Variants in PIKFYVE observed in about 807,000 individuals in gnomAD.
PIKFYVE encodes phosphoinositide kinase, FYVE-type zinc finger containing, also known as 1-phosphatidylinositol 3-phosphate 5-kinase.
PIKFYVE carries 122 observed loss-of-function variants against 257.9 expected under a neutral mutation model. That is an observed-to-expected ratio of 0.47 (90% CI 0.41 to 0.55). The LOEUF is 0.55. Ranked by LOEUF, PIKFYVE falls within the 20% of genes least tolerant of loss-of-function variation. The pLI, the probability that PIKFYVE is intolerant of heterozygous loss-of-function variation, is 0.00. For missense variants in PIKFYVE, 2,160 were observed against 2,536.6 expected (o/e 0.85, Z 3.19); for synonymous variants, 892 against 868.9 (o/e 1.03, Z -0.47).
chr2:208,282,410 C>T (rs2125107404), intron 5 of PIKFYVE, among the ~76,000 whole-genome samples: 1 of 152,302 alleles, frequency 6.6e-6, no homozygotes, highest in South Asian at 2.1e-4. Flanking sequence ...TACACAAACA[C>T]ACATTTATAT....
chr2:208,314,426 A>G lies in PIKFYVE; in HGVS notation c.1826+3A>G. ...AAACAAGCCATGGAGAGGTTGCTGT[A>G]AGGCAATGAAATTTTTAATTTTAAT... On this transcript the variant is annotated splice_donor_region_variant and intron_variant, in intron 14 of 41. Transcript: ENST00000264380. 6.2e-7 allele frequency: 1 copy of G among 1,613,342 alleles called. No individual in the cohort carries two copies. Among genetic ancestry groups the G allele is most frequent in the Non-Finnish European group, 8.5e-7 (1 of 1,179,590 alleles).
chr2:208,310,030 T>C (rs188379731), intron 12 of PIKFYVE, among the ~76,000 whole-genome samples: 2 of 152,374 alleles, frequency 1.3e-5, no homozygotes, highest in East Asian at 3.9e-4. Context: ...TAATAAATAT[T>C]ACTGGCTTTC....
intron 10 of PIKFYVE, among the ~76,000 whole-genome samples, chr2:208,302,911 C>G (rs960554477): frequency 8.6e-5 from 13 of 151,970 alleles, no homozygotes; most frequent in Admixed American, 8.5e-4. Flanking sequence ...GAAATCCCGT[C>G]TCTACTAAAA....
chr2:208,291,748 G>C (rs547080947), intron 7 of PIKFYVE, among the ~76,000 whole-genome samples: 2 of 151,616 alleles, frequency 1.3e-5, no homozygotes, highest in African/African-American at 2.4e-5. Flanking sequence ...TGATTTTATT[G>C]ATCTTTTCAA....
Position 208,324,215 on chromosome 2 carries a change from C to A in PIKFYVE, c.2264C>A (p.Thr755Lys). The part of the protein sequence containing the change: ...VRPTLVLVEK[T>K]VSRIAQDMLL... ...CCCACCTTGGTTCTTGTTGAGAAAA[C>A]AGTGTCTCGGATTGCCCAGGACATG... Residue 755 changes from threonine to lysine, a missense_variant, in exon 18 of 42, where the codon ACA becomes AAA. Thr to Lys is a moderately conservative substitution (Grantham distance 78). This residue lies in a region of PIKFYVE where 346 missense variants were observed against 365.6 expected (regional missense o/e 0.95). Coordinates refer to ENST00000264380, the MANE Select transcript of PIKFYVE (RefSeq NM_015040.4). The A allele has an allele frequency of 6.2e-7, 1 of 1,613,958 alleles. No individual in the cohort carries two copies. The highest frequency in any genetic ancestry group is 1.7e-5 in the Admixed American group (1 of 60,016).
intron 14 of PIKFYVE, 69 bp from the exon 15 acceptor site, chr2:208,315,124 T>A: frequency 2.9e-6 from 4 of 1,390,086 alleles, no homozygotes; most frequent in Non-Finnish European, 4.0e-6. Context: ...GGCTGTTTGT[T>A]TTATCATCAG....
At chr2:208,306,197 A>C (rs1694293107) in intron 12 of PIKFYVE, among the ~76,000 whole-genome samples, 1 of 152,232 alleles carries the variant, frequency 6.6e-6, no homozygotes, top group Non-Finnish European at 1.5e-5. Flanking sequence ...TGTTAATGAG[A>C]CTTGACTAGC....
intron 20 of PIKFYVE, 102 bp downstream of exon 20, chr2:208,326,531 T>C: frequency 8.0e-7 from 1 of 1,247,402 alleles, no homozygotes; most frequent in South Asian, 1.3e-5. Context: ...GCATGCAGAT[T>C]TGTGAAATAT....
chr2:208,334,529 A>C (rs1203972183), intron 24 of PIKFYVE: 4 of 152,518 alleles, frequency 2.6e-5, no homozygotes, highest in Non-Finnish European at 4.4e-5. Flanking sequence ...GGAGCCTTGT[A>C]CTTGTTCTTC....
intron 30 of PIKFYVE, 69 bp downstream of exon 30, chr2:208,339,624 T>G: frequency 6.4e-7 from 1 of 1,564,260 alleles, no homozygotes; most frequent in Admixed American, 1.7e-5. Flanking sequence ...TTGATTTACA[T>G]GAATTACAGC....
At position 208,304,176 on chromosome 2, in the gene PIKFYVE, A is replaced by G; in HGVS notation, c.1326A>G (p.Thr442=). Residue 442 remains threonine, a synonymous_variant, in exon 11 of 42, where the codon ACA becomes ACG. Transcript: ENST00000264380. The part of the protein sequence containing the change: ...EYALYRPLQS[T]EFSETPSPDS... ...TCCTGTCTTCATCCTTTCAGAGTACAGAATTTTCTGAGACGCCTTCTCCCG... is the reference window on the plus strand; with the variant it reads ...TCCTGTCTTCATCCTTTCAGAGTACGGAATTTTCTGAGACGCCTTCTCCCG... 6.2e-7 allele frequency: 1 copy of G among 1,614,156 alleles called. No homozygotes were observed. Among genetic ancestry groups the G allele is most frequent in the South Asian group, 1.1e-5 (1 of 91,086 alleles).
At chr2:208,269,831 C>T (rs928418970) in intron 1 of PIKFYVE, 3 of 264,752 alleles carry the variant, frequency 1.1e-5, no homozygotes, top group African/African-American at 2.3e-5. Flanking sequence ...TTCTCAGGGG[C>T]CTGGGGGATG....
chr2:208,293,579 C>T (rs2125243588), intron 7 of PIKFYVE, among the ~76,000 whole-genome samples: 1 of 152,078 alleles, frequency 6.6e-6, no homozygotes, highest in Middle Eastern at 3.4e-3. Flanking sequence ...GCTTTTTTCT[C>T]TCAACATCTT....
chr2:208,351,908 A>G (rs1026343382), intron 38 of PIKFYVE, among the ~76,000 whole-genome samples: 5 of 152,160 alleles, frequency 3.3e-5, no homozygotes, highest in African/African-American at 1.2e-4. Flanking sequence ...ATAACATTTC[A>G]ACATGAGATT....
chr2:208,307,661 G>A (rs1036332664), intron 12 of PIKFYVE, among the ~76,000 whole-genome samples: 19 of 151,926 alleles, frequency 1.3e-4, no homozygotes, highest in Middle Eastern at 3.4e-3. Flanking sequence ...ATGTATTGTG[G>A]TATTTAGAAA....
At chr2:208,327,750 G>A (rs1428729130) in intron 20 of PIKFYVE, among the ~76,000 whole-genome samples, 3 of 152,072 alleles carry the variant, frequency 2.0e-5, no homozygotes, top group Non-Finnish European at 4.4e-5. Context: ...TTTTAACAGA[G>A]AGCTGGTTTT....
At chr2:208,299,278 C>CT (rs1693384034) in intron 8 of PIKFYVE, among the ~76,000 whole-genome samples, 2 of 151,752 alleles carry the variant, frequency 1.3e-5, no homozygotes. Context: ...ATTTTCTTTT[C>CT]TTTCTTTCTT....
chr2:208,292,325 T>G (rs1170785138), intron 7 of PIKFYVE, among the ~76,000 whole-genome samples: 1 of 152,138 alleles, frequency 6.6e-6, no homozygotes, highest in Non-Finnish European at 1.5e-5. Context: ...ATTAATGGTG[T>G]TGTTGAGTTC....
chr2:208,346,040 T>C lies in PIKFYVE; in HGVS notation c.5112-10T>C, dbSNP rs1699199306. The C allele has an allele frequency of 1.9e-6, 3 of 1,604,992 alleles. No individual in the cohort carries two copies. The highest frequency in any genetic ancestry group is 3.3e-5 in the Admixed American group (2 of 59,948). On this transcript the variant is annotated splice_polypyrimidine_tract_variant and intron_variant, in intron 33 of 41. Coordinates refer to ENST00000264380, the MANE Select transcript of PIKFYVE (RefSeq NM_015040.4). ...AACTAAATTTTTCTTTTTTTTTCTTTTCATTTTAGTACTTCAGATAGCAGA... is the reference window on the plus strand; with the variant it reads ...AACTAAATTTTTCTTTTTTTTTCTTCTCATTTTAGTACTTCAGATAGCAGA...
Sources: gnomAD v4.1 joint callset for allele counts (sites outside exome capture counted in the v4.1 genomes callset) on GRCh38, gnomAD v4.1.1 for gene constraint, gnomAD v4.1.1 regional missense constraint, MANE v1.5 for transcripts, NCBI Gene and HGNC (gene_info 2026-07-23, HGNC 2026-07-21) for gene names.